The following NBPF8 variants were observed in gnomAD, a reference collection of about 807,000 sequenced individuals.
The protein encoded by NBPF8 is NBPF family member NBPF8.
At chr1:120,464,578 A>T (rs1661691183) in intron 23 of NBPF8, 30 bp downstream of exon 21, 8 of 776,570 alleles carry the variant, frequency 1.0e-5, no homozygotes, top group African/African-American at 1.7e-5. Context: ...GGTGATAAGG[A>T]TCCACTGAGT....
exon 25 of NBPF8, chr1:120,466,057 A>G: frequency 6.2e-7 from 1 of 1,611,996 alleles, no homozygotes; most frequent in South Asian, 1.1e-5. Flanking sequence ...GACTCCATCA[A>G]TGTACTGTGA....
rs1465112869 is a variant in NBPF8 at position 120,452,086 on chromosome 1, C to G, written n.2075-31C>G. 3.3e-5 allele frequency: 48 copies of G among 1,463,022 alleles called. No individual in the cohort carries two copies. The African/African-American group carries it at 6.6e-4, about 20-fold the overall frequency. 90.6% of individuals were successfully genotyped at this position (1,463,022 alleles called of 1,614,324 possible). ...TGAGCGGATCACTCAACCCTTTCCA[C>G]TCTTAAATTTTCTCTACCGTCTCAC... On this transcript the variant is annotated intron_variant and non_coding_transcript_variant, in intron 12 of 24. Transcript: ENST00000583271.
intron 17 of NBPF8, among the ~76,000 whole-genome samples, 166 bp from the exon 16 acceptor site, chr1:120,460,407 G>T: frequency 6.6e-6 from 1 of 152,316 alleles, no homozygotes; most frequent in Non-Finnish European, 1.5e-5. Context: ...ACCCAAGCCA[G>T]TTTTCTCAAG....
chr1:120,453,454 A>G lies in NBPF8; in HGVS notation n.2362+10A>G. The G allele has an allele frequency of 1.4e-6, 1 of 726,882 alleles. No homozygotes were observed. The highest frequency in any genetic ancestry group is 1.8e-5 in the Admixed American group (1 of 55,406). 45.0% of individuals were successfully genotyped at this position (726,882 alleles called of 1,614,324 possible). On this transcript the variant is annotated intron_variant and non_coding_transcript_variant, in intron 14 of 24. Transcript: ENST00000583271. The stretch of plus-strand genomic sequence containing the variant: ...AATCGTCTGCCCCCAGGTAACACTG[A>G]ATACTCAGGAACAATTAATGGATGG...
chr1:120,453,671 T>G (rs1249896643), intron 14 of NBPF8, among the ~76,000 whole-genome samples: 1 of 151,330 alleles, frequency 6.6e-6, no homozygotes, highest in Non-Finnish European at 1.5e-5. Flanking sequence ...TTCATCCTCC[T>G]CAGCTCCTAT....
intron 13 of NBPF8, among the ~76,000 whole-genome samples, chr1:120,452,705 T>C (rs1661316337): frequency 6.6e-6 from 1 of 152,354 alleles, no homozygotes; most frequent in South Asian, 2.1e-4. Flanking sequence ...TGTCAGAGAG[T>C]GAATGACTTG....
At chr1:120,428,650 G>T (rs1660787540) in intron 3 of NBPF8, among the ~76,000 whole-genome samples, 1 of 152,146 alleles carries the variant, frequency 6.6e-6, no homozygotes, top group African/African-American at 2.4e-5. Context: ...AGCCGACAGT[G>T]GCTGATGCTG....
chr1:120,467,913 T>G (rs1288189643), downstream of NBPF8, among the ~76,000 whole-genome samples: 17 of 152,222 alleles, frequency 1.1e-4, no homozygotes, highest in South Asian at 4.2e-4. Flanking sequence ...TGTTTACATT[T>G]CTTGGTTCTA....
intron 1 of NBPF8, among the ~76,000 whole-genome samples, chr1:120,425,639 GTC>G (rs2101507882): frequency 6.6e-6 from 1 of 152,160 alleles, no homozygotes; most frequent in South Asian, 2.1e-4. Context: ...TCTGTACTTT[GTC>G]TCTGTGTCTC....
At position 120,462,212 on chromosome 1, in the gene NBPF8, T is replaced by A. The variant is rs1661611201; in HGVS notation, n.3061+15T>A. Reference sequence around the variant, plus strand: ...TCATGCCCCAGGTAACTTTGAGCAATTATGGATGCTTAATTCTGTGTTGAC... The same window carrying A: ...TCATGCCCCAGGTAACTTTGAGCAAATATGGATGCTTAATTCTGTGTTGAC... On this transcript the variant is annotated intron_variant and non_coding_transcript_variant, in intron 20 of 24. Transcript: ENST00000583271. The A allele has an allele frequency of 1.6e-6, 1 of 628,132 alleles. No individual in the cohort carries two copies. The allele number at this position is 628,132 out of a possible 1,614,324, so 38.9% of individuals were successfully genotyped here.
intron 3 of NBPF8, among the ~76,000 whole-genome samples, chr1:120,429,514 G>A (rs1277133123): frequency 2.6e-5 from 4 of 152,218 alleles, no homozygotes; most frequent in East Asian, 1.9e-4. Flanking sequence ...AGGACAGGCC[G>A]TGGGACTTGG....
intron 1 of NBPF8, among the ~76,000 whole-genome samples, chr1:120,425,124 C>T (rs1330594184): frequency 5.3e-5 from 8 of 151,894 alleles, no homozygotes; most frequent in African/African-American, 1.9e-4. Context: ...TGAAATACAG[C>T]CTCGTGGGAA....
At chr1:120,450,518 A>G (rs1661237361) in intron 11 of NBPF8, among the ~76,000 whole-genome samples, 1 of 152,130 alleles carries the variant, frequency 6.6e-6, no homozygotes, top group South Asian at 2.1e-4. Flanking sequence ...TACATGAGCT[A>G]TTTCTTGTCA....
At chr1:120,464,215 C>T (rs1430650668) in intron 22 of NBPF8, among the ~76,000 whole-genome samples, 161 bp from the exon 21 acceptor site, 2 of 131,188 alleles carry the variant, frequency 1.5e-5, no homozygotes, top group African/African-American at 6.5e-5. Context: ...TCCATTTGGC[C>T]CTGTTCTGTC....
In NBPF8 at chr1:120,454,214, CTG is replaced by C. The variant is rs1661369210; in HGVS notation, n.2568+103_2568+104del. 4.0e-6 allele frequency: 6 copies of C among 1,500,550 alleles called. No homozygotes were observed. The Admixed American group carries it at 5.4e-5, about 13-fold the overall frequency. The allele number at this position is 1,500,550 out of a possible 1,614,324, so 93.0% of individuals were successfully genotyped here. On this transcript the variant is annotated intron_variant and non_coding_transcript_variant, in intron 15 of 24. Transcript: ENST00000583271. Reference sequence around the variant, plus strand: ...AACACAAATTCATTTGAATAAAAAACTGTGATGGGTTTCTAAACAGATATCAG... The same window carrying C: ...AACACAAATTCATTTGAATAAAAAACTGATGGGTTTCTAAACAGATATCAG...
chr1:120,420,803 C>A (rs1304485932), intron 1 of NBPF8, among the ~76,000 whole-genome samples: 3 of 149,362 alleles, frequency 2.0e-5, no homozygotes, highest in African/African-American at 7.6e-5. Flanking sequence ...AGGCACCATG[C>A]CCTGCTCTGG....
rs1409314024 is a variant in NBPF8 at position 120,420,510 on chromosome 1, C to A, written n.269+392C>A. Among the ~76,000 whole-genome samples the A allele has an allele frequency of 8.7e-3, 1,316 of 150,972 alleles. 14 individuals carry two copies. The highest frequency in any genetic ancestry group is 0.029 in the African/African-American group (1,203 of 40,782). ...TCTCTTCAGCTTTCATGGCTCACCC[C>A]CTCCCTGTCCACCCGCATCCCCCAG... is the stretch of plus-strand genomic sequence containing the variant. On this transcript the variant is annotated intron_variant and non_coding_transcript_variant, in intron 1 of 28. Transcript: ENST00000652355.
At chr1:120,455,207 G>A (rs1570941285) in intron 15 of NBPF8, among the ~76,000 whole-genome samples, 1 of 152,144 alleles carries the variant, frequency 6.6e-6, no homozygotes, top group East Asian at 1.9e-4. Flanking sequence ...CATGTAGAGG[G>A]AGATTTTGGC....
intron 3 of NBPF8, among the ~76,000 whole-genome samples, chr1:120,428,244 C>A (rs1220395236): frequency 6.6e-6 from 1 of 152,162 alleles, no homozygotes; most frequent in Non-Finnish European, 1.5e-5. Context: ...AGTGCAGCAA[C>A]CCAAGAGTGT....
Sources: gnomAD v4.1 joint callset for allele counts (sites outside exome capture counted in the v4.1 genomes callset) on GRCh38, gnomAD v4.1.1 for gene constraint, MANE v1.5 for transcripts, NCBI Gene and HGNC (gene_info 2026-07-23, HGNC 2026-07-21) for gene names.